STPG2: variants seen among roughly 807,000 people sequenced by gnomAD.
STPG2 encodes the protein sperm-tail PG-rich repeat-containing protein 2.
Under a neutral mutation model 54.2 loss-of-function variants are expected in STPG2, and 56 were observed. That is an observed-to-expected ratio of 1.03 (90% CI 0.83 to 1.29). The LOEUF (loss-of-function observed/expected upper bound fraction) is 1.29. STPG2 is among the 50% of genes most tolerant of loss of function. STPG2 has a pLI of 0.00. For missense variants in STPG2, 596 were observed against 544.9 expected, an observed-to-expected ratio of 1.09 and a Z score of -0.93; for synonymous variants, 200 against 181.8, an observed-to-expected ratio of 1.10 and a Z score of -0.81.
At chr4:97,737,447 A>C (rs945033444) in intron 9 of STPG2, among the ~76,000 whole-genome samples, 4 of 152,224 alleles carry the variant, frequency 2.6e-5, no homozygotes, top group Admixed American at 6.5e-5. Context: ...AAAGGCAAAG[A>C]AGTTAAAAAC....
In STPG2 at chr4:97,635,200, A is replaced by T. The variant is rs929920787; in HGVS notation, c.1321-76083T>A. ...GGACCAATATTCAACATTCTTAAAG[A>T]AAAGAATTTTCAACCCAGAATTTCA... is the stretch of plus-strand genomic sequence containing the variant. On this transcript the variant is annotated intron_variant, in intron 10 of 10. Coordinates refer to ENST00000295268, the MANE Select transcript of STPG2 (RefSeq NM_174952.3). 2.0e-5 allele frequency among the ~76,000 whole-genome samples: 3 copies of T among 152,282 alleles called. No individual in the cohort carries two copies. The South Asian group carries it at 6.2e-4, about 32-fold the overall frequency.
At chr4:97,983,128 C>T (rs1435982316) in intron 5 of STPG2, among the ~76,000 whole-genome samples, 3 of 152,174 alleles carry the variant, frequency 2.0e-5, no homozygotes, top group Non-Finnish European at 4.4e-5. Flanking sequence ...GATAGAAAGA[C>T]CAACCCTTCC....
intron 5 of STPG2, among the ~76,000 whole-genome samples, chr4:97,993,049 T>C (rs986748410): frequency 1.3e-5 from 2 of 152,208 alleles, no homozygotes; most frequent in African/African-American, 4.8e-5. Flanking sequence ...GACAACTTCC[T>C]CTTTACCAAT....
chr4:97,944,566 C>T (rs1466287468), intron 7 of STPG2, among the ~76,000 whole-genome samples: 2 of 151,904 alleles, frequency 1.3e-5, no homozygotes, highest in Non-Finnish European at 2.9e-5. Context: ...TCTATTTTGT[C>T]ATACAATTTA....
At chr4:97,516,440 A>G (rs1731076562) in intron 4 of STPG2, among the ~76,000 whole-genome samples, 1 of 152,092 alleles carries the variant, frequency 6.6e-6, no homozygotes, top group Non-Finnish European at 1.5e-5. Context: ...ACTTGGAGCA[A>G]GCTTTAGGAA....
At chr4:97,694,307 C>T (rs1723488202) in intron 10 of STPG2, among the ~76,000 whole-genome samples, 1 of 151,722 alleles carries the variant, frequency 6.6e-6, no homozygotes, top group Non-Finnish European at 1.5e-5. Flanking sequence ...TCCAAATAAG[C>T]TCAATTAGAA....
intron 8 of STPG2, among the ~76,000 whole-genome samples, chr4:97,884,408 A>G (rs1409512143): frequency 1.3e-5 from 2 of 152,178 alleles, no homozygotes; most frequent in Admixed American, 6.6e-5. Context: ...ATAAGTTCAA[A>G]TTGAGATTCT....
chr4:97,671,340 A>C (rs2148969356), intron 10 of STPG2, among the ~76,000 whole-genome samples: 1 of 152,360 alleles, frequency 6.6e-6, no homozygotes, highest in Non-Finnish European at 1.5e-5. Context: ...TGGATTATAC[A>C]GGCAACAGCA....
intron 8 of STPG2, among the ~76,000 whole-genome samples, chr4:97,879,021 T>G (rs1322031793): frequency 6.6e-6 from 1 of 152,186 alleles, no homozygotes; most frequent in Non-Finnish European, 1.5e-5. Flanking sequence ...TCTCTAGGCA[T>G]GGGCAAAATG....
chr4:97,529,812 G>A lies in STPG2; in HGVS notation c.462+182887C>T, dbSNP rs186549302. Among the ~76,000 whole-genome samples, 20 of 152,094 alleles carry A rather than the reference G, an allele frequency of 1.3e-4. No individual in the cohort carries two copies. In the East Asian group the frequency reaches 2.1e-3, roughly 16 times the overall value. On this transcript the variant is annotated intron_variant, in intron 4 of 4. Transcript: ENST00000522676. ...GCAATAGCTGGTCTCTCATAGGTTCGTCCCAGGATCTTTCCAGGCTGTTTC... is the reference window on the plus strand; with the variant it reads ...GCAATAGCTGGTCTCTCATAGGTTCATCCCAGGATCTTTCCAGGCTGTTTC...
intron 4 of STPG2, among the ~76,000 whole-genome samples, chr4:97,534,853 T>C (rs111513154): frequency 0.015 from 2,263 of 152,316 alleles, 55 homozygotes; most frequent in African/African-American, 0.052. Flanking sequence ...CCAGATGTTT[T>C]ATAAGTAGAA....
chr4:97,542,130 T>G (rs1293090159), intron 4 of STPG2, among the ~76,000 whole-genome samples: 1 of 152,108 alleles, frequency 6.6e-6, no homozygotes, highest in East Asian at 1.9e-4. Context: ...TGGGATCTAA[T>G]TAAACTAAAG....
intron 10 of STPG2, among the ~76,000 whole-genome samples, chr4:97,580,153 G>T (rs1441368170): frequency 6.6e-6 from 1 of 151,884 alleles, no homozygotes; most frequent in African/African-American, 2.4e-5. Flanking sequence ...TACACTATAA[G>T]AATTAGGTAG....
chr4:97,746,212 T>C (rs1176256247), intron 9 of STPG2, among the ~76,000 whole-genome samples: 1 of 151,252 alleles, frequency 6.6e-6, no homozygotes, highest in Non-Finnish European at 1.5e-5. Flanking sequence ...TATTACCTTG[T>C]ATACACATAA....
chr4:97,934,223 AC>A (rs1315792033), intron 8 of STPG2, among the ~76,000 whole-genome samples: 1 of 152,144 alleles, frequency 6.6e-6, no homozygotes, highest in African/African-American at 2.4e-5. Flanking sequence ...GTATCCTGAG[AC>A]TTTGCTGAAG....
chr4:97,756,896 C>T (rs185784644), intron 9 of STPG2, among the ~76,000 whole-genome samples: 6 of 152,216 alleles, frequency 3.9e-5, no homozygotes, highest in Admixed American at 3.3e-4. Context: ...TTGACTCCCT[C>T]TTTTGTTATC....
chr4:97,464,203 A>G (rs1359086525), intron 4 of STPG2, among the ~76,000 whole-genome samples: 1 of 152,208 alleles, frequency 6.6e-6, no homozygotes, highest in Admixed American at 6.5e-5. Context: ...AGTTTGTGAA[A>G]TATTTGGGGG....
intron 4 of STPG2, among the ~76,000 whole-genome samples, chr4:97,446,401 T>C (rs1729222666): frequency 1.3e-5 from 2 of 152,198 alleles, no homozygotes; most frequent in African/African-American, 4.8e-5. Flanking sequence ...AGAAGAGCGA[T>C]ACAAATATAT....
At chr4:97,468,646 G>GGTCATTGT (rs1440059269) in intron 4 of STPG2, among the ~76,000 whole-genome samples, 1 of 151,914 alleles carries the variant, frequency 6.6e-6, no homozygotes, top group Non-Finnish European at 1.5e-5. Flanking sequence ...TTCTGGAGGT[G>GGTCATTGT]GTCATTGTAA....
Sources: allele counts gnomAD v4.1 joint callset (sites outside exome capture counted in the v4.1 genomes callset), GRCh38; gene constraint gnomAD v4.1.1; transcripts MANE v1.5; gene names NCBI Gene and HGNC (gene_info 2026-07-23, HGNC 2026-07-21).